The following TMEM132D variants were observed in gnomAD, a reference collection of about 807,000 sequenced individuals.
The protein encoded by TMEM132D is mature OL transmembrane protein.
A neutral mutation model predicts 62.3 loss-of-function variants in TMEM132D; 21 were observed. That is an observed-to-expected ratio of 0.34 (90% CI 0.24 to 0.49). TMEM132D has a LOEUF of 0.49. Among genes scored for constraint, TMEM132D ranks in the 20% least tolerant of loss-of-function variants. The pLI is 0.99. For missense variants in TMEM132D, 1,346 were observed against 1,402.8 expected (o/e 0.96, Z 0.65); for synonymous variants, 621 against 575.6 (o/e 1.08, Z -1.13).
rs544915561 is a variant in TMEM132D, at chr12:129,756,873, C to CA, written c.80-56176dup. On this transcript the variant is annotated intron_variant, in intron 1 of 8. Transcript: ENST00000422113. The stretch of plus-strand genomic sequence containing the variant: ...TCTGCAACCCTTGCTTGCTTGCCTT[C>CA]AGGCTGTGGAAGGTTGCGCCCTGAT... Among the ~76,000 whole-genome samples, 57 of 152,320 alleles carry CA rather than the reference C, an allele frequency of 3.7e-4. 2 individuals are homozygous for CA. In the South Asian group the frequency reaches 0.011, roughly 30 times the overall value.
At chr12:129,719,083 G>T (rs75898675) in intron 1 of TMEM132D, among the ~76,000 whole-genome samples, 1 of 99,222 alleles carries the variant, frequency 1.0e-5, no homozygotes, top group African/African-American at 3.6e-5. Context: ...CAAAAAAAAT[G>T]AAAAAAAAAA....
chr12:129,296,118 GCACATACA>G (rs1481480264), intron 4 of TMEM132D, among the ~76,000 whole-genome samples: 19 of 151,160 alleles, frequency 1.3e-4, no homozygotes, highest in Admixed American at 1.3e-3. Flanking sequence ...ATATTAACAT[GCACATACA>G]CACATACACA....
intron 5 of TMEM132D, among the ~76,000 whole-genome samples, chr12:129,171,531 G>A (rs1035301273): frequency 6.6e-6 from 1 of 152,218 alleles, no homozygotes; most frequent in Non-Finnish European, 1.5e-5. Context: ...GCCCATCAGA[G>A]GAATCACAGT....
chr12:129,739,487 C>T (rs1213056531), intron 1 of TMEM132D, among the ~76,000 whole-genome samples: 1 of 152,176 alleles, frequency 6.6e-6, no homozygotes, highest in African/African-American at 2.4e-5. Context: ...CTGTCTCTCT[C>T]TAACAAAACA....
chr12:129,306,072 T>A (rs1446415983), intron 4 of TMEM132D, among the ~76,000 whole-genome samples: 1 of 152,188 alleles, frequency 6.6e-6, no homozygotes, highest in African/African-American at 2.4e-5. Context: ...AGTGGTTCTG[T>A]TGAGCCACTT....
chr12:129,266,915 G>C (rs1880712236), intron 4 of TMEM132D, among the ~76,000 whole-genome samples: 1 of 152,002 alleles, frequency 6.6e-6, no homozygotes, highest in South Asian at 2.1e-4. Flanking sequence ...CTCACTCTTG[G>C]ACATCCCAGC....
intron 1 of TMEM132D, among the ~76,000 whole-genome samples, chr12:129,873,122 C>T (rs542985975): frequency 9.2e-5 from 14 of 152,262 alleles, no homozygotes; most frequent in African/African-American, 1.7e-4. Flanking sequence ...GAAATTCTTG[C>T]GCCCCAATTA....
chr12:129,525,226 GTT>G (rs765569025), intron 3 of TMEM132D, among the ~76,000 whole-genome samples: 14,416 of 67,276 alleles, frequency 0.21, 3,792 homozygotes, highest in Middle Eastern at 0.25. Context: ...TGCCCAGCCG[GTT>G]TTTTTTTTTT....
chr12:129,561,566 T>G (rs1014666932), intron 2 of TMEM132D, among the ~76,000 whole-genome samples: 2 of 152,174 alleles, frequency 1.3e-5, no homozygotes, highest in Non-Finnish European at 2.9e-5. Flanking sequence ...TGGAGAGCAG[T>G]CTAGCACAAC....
At chr12:129,835,013 G>C (rs1391219317) in intron 1 of TMEM132D, among the ~76,000 whole-genome samples, 1 of 152,138 alleles carries the variant, frequency 6.6e-6, no homozygotes, top group Non-Finnish European at 1.5e-5. Flanking sequence ...AAAAAAGGAA[G>C]CCAGGATAGA....
At chr12:129,141,918 A>G (rs1876751128) in intron 5 of TMEM132D, among the ~76,000 whole-genome samples, 1 of 151,098 alleles carries the variant, frequency 6.6e-6, no homozygotes, top group Admixed American at 6.6e-5. Context: ...GGAATCTATA[A>G]TAAAAGTTAA....
intron 3 of TMEM132D, among the ~76,000 whole-genome samples, chr12:129,490,577 C>G (rs1220788749): frequency 1.4e-5 from 2 of 146,966 alleles, no homozygotes; most frequent in Non-Finnish European, 3.0e-5. Context: ...TACAGGCGCC[C>G]GCCCACCACG....
intron 3 of TMEM132D, among the ~76,000 whole-genome samples, chr12:129,438,181 GA>G (rs1253743006): frequency 6.6e-6 from 1 of 152,066 alleles, no homozygotes; most frequent in Non-Finnish European, 1.5e-5. Context: ...TTGCTATTGT[GA>G]ATAGTGCTGC....
At chr12:129,342,591 C>A (rs888876953) in intron 3 of TMEM132D, among the ~76,000 whole-genome samples, 1 of 152,108 alleles carries the variant, frequency 6.6e-6, no homozygotes, top group Non-Finnish European at 1.5e-5. Flanking sequence ...TAATTAAACT[C>A]AAGAGCTTCT....
At chr12:129,363,259 C>T (rs1870307567) in intron 3 of TMEM132D, among the ~76,000 whole-genome samples, 1 of 152,096 alleles carries the variant, frequency 6.6e-6, no homozygotes, top group Admixed American at 6.6e-5. Flanking sequence ...AGCTTGTGTC[C>T]CCAAACGTCT....
chr12:129,430,765 C>T (rs1238631083), intron 3 of TMEM132D, among the ~76,000 whole-genome samples: 1 of 152,172 alleles, frequency 6.6e-6, no homozygotes, highest in African/African-American at 2.4e-5. Flanking sequence ...TTCCCTGCGC[C>T]TCAGACTTCC....
rs186390386 is a variant in TMEM132D, at chr12:129,101,285, G to A, written c.1444-16583C>T. On this transcript the variant is annotated intron_variant, in intron 5 of 8. Transcript: ENST00000422113. ...AGCTTCTTTGCCTCGAGCATTTGTC[G>A]ATTTGCCAATTCCTGTAGTATAAAC... 1.4e-4 allele frequency among the ~76,000 whole-genome samples: 22 copies of A among 152,300 alleles called. No individual in the cohort carries two copies. In the East Asian group the frequency reaches 3.7e-3, roughly 25 times the overall value.
At chr12:129,612,790 T>G (rs890978484) in intron 2 of TMEM132D, among the ~76,000 whole-genome samples, 10 of 152,062 alleles carry the variant, frequency 6.6e-5, no homozygotes, top group African/African-American at 2.4e-4. Context: ...CCTGGGCTTT[T>G]TGGAAGGCAG....
At chr12:129,420,320 T>TGCAATA (rs1872273685) in intron 3 of TMEM132D, among the ~76,000 whole-genome samples, 2 of 147,154 alleles carry the variant, frequency 1.4e-5, no homozygotes, top group Non-Finnish European at 3.0e-5. Context: ...TTTTTTTTTT[T>TGCAATA]TTTTTTTTTT....
Sources: gnomAD v4.1 joint callset for allele counts (sites outside exome capture counted in the v4.1 genomes callset) on GRCh38, gnomAD v4.1.1 for gene constraint, MANE v1.5 for transcripts, NCBI Gene and HGNC (gene_info 2026-07-23, HGNC 2026-07-21) for gene names.